Variants in CCDC171 observed in about 807,000 individuals in gnomAD.
CCDC171 encodes the protein coiled-coil domain containing 171.
In CCDC171, 177 loss-of-function variants were observed where a neutral mutation model predicts 168.2. The observed-to-expected ratio is 1.05, with a 90% CI of 0.93 to 1.19. The LOEUF is 1.19. Ranked by LOEUF, CCDC171 falls within the 50% of genes most tolerant of loss-of-function variation. CCDC171 has a pLI of 0.00. For synonymous variants in CCDC171, 687 were observed against 540.8 expected (o/e 1.27, Z -3.75); for missense variants, 1,991 against 1,539.0 (o/e 1.29, Z -4.91).
the CCDC171 span, among the ~76,000 whole-genome samples, chr9:16,068,297 G>T: frequency 1.3e-5 from 2 of 151,694 alleles, no homozygotes; most frequent in South Asian, 4.2e-4. Context: ...ACTGCTCAAG[G>T]AAATAAAAGA....
At chr9:15,598,958 A>T (rs2131602802) in intron 6 of CCDC171, among the ~76,000 whole-genome samples, 1 of 152,192 alleles carries the variant, frequency 6.6e-6, no homozygotes, top group Middle Eastern at 3.4e-3. Flanking sequence ...TTTATCAGAG[A>T]CTAGGATTGC....
At chr9:15,561,854 GAC>G (rs2039328488) in intron 1 of CCDC171, among the ~76,000 whole-genome samples, 1 of 151,910 alleles carries the variant, frequency 6.6e-6, no homozygotes. Flanking sequence ...CTTGATAAAA[GAC>G]ACACAGGCAG....
intron 25 of CCDC171, among the ~76,000 whole-genome samples, chr9:15,952,644 G>C (rs192143969): frequency 5.1e-4 from 78 of 152,222 alleles, no homozygotes; most frequent in African/African-American, 1.7e-3. Context: ...TGATCCACCT[G>C]CCTTGGCCTC....
At chr9:16,083,218 C>T in the CCDC171 span, among the ~76,000 whole-genome samples, 1 of 152,152 alleles carries the variant, frequency 6.6e-6, no homozygotes, top group African/African-American at 2.4e-5. Context: ...CATTTCCACA[C>T]TCTTAACACT....
At chr9:15,946,405 G>T (rs1204030248) in intron 25 of CCDC171, among the ~76,000 whole-genome samples, 1 of 151,922 alleles carries the variant, frequency 6.6e-6, no homozygotes, top group East Asian at 2.0e-4. Context: ...AATCATGAGT[G>T]AACTCCCATT....
chr9:16,099,196 C>A, the CCDC171 span, among the ~76,000 whole-genome samples: 2 of 152,164 alleles, frequency 1.3e-5, no homozygotes, highest in Admixed American at 1.3e-4. Flanking sequence ...TTTAATAAAG[C>A]ACCACCAGGC....
At chr9:16,066,715 G>C in the CCDC171 span, among the ~76,000 whole-genome samples, 2 of 148,154 alleles carry the variant, frequency 1.3e-5, no homozygotes, top group East Asian at 2.0e-4. Flanking sequence ...TGCGGTGTTT[G>C]GTTTTTTGTT....
intron 14 of CCDC171, among the ~76,000 whole-genome samples, chr9:15,726,205 TAAAGGAAA>T (rs2053789304): frequency 6.6e-6 from 1 of 152,122 alleles, no homozygotes; most frequent in Admixed American, 6.6e-5. Flanking sequence ...ATGATTAAAG[TAAAGGAAA>T]CTAGAAGCCT....
intron 24 of CCDC171, among the ~76,000 whole-genome samples, chr9:15,880,081 GA>G (rs1818417647): frequency 6.6e-6 from 1 of 152,108 alleles, no homozygotes; most frequent in African/African-American, 2.4e-5. Flanking sequence ...ATTTTACACA[GA>G]GTTGCTAAGT....
intron 8 of CCDC171, among the ~76,000 whole-genome samples, chr9:15,663,075 G>T (rs774752364): frequency 1.3e-5 from 2 of 152,208 alleles, no homozygotes; most frequent in African/African-American, 4.8e-5. Flanking sequence ...TAGTCTAGTT[G>T]ACATTATTAT....
intron 20 of CCDC171, among the ~76,000 whole-genome samples, chr9:15,782,491 G>A (rs1290056861): frequency 1.3e-5 from 2 of 152,160 alleles, no homozygotes; most frequent in African/African-American, 4.8e-5. Flanking sequence ...TAGGTAAAGG[G>A]GAAATTTTGG....
At chr9:15,621,323 C>T (rs961813607) in intron 6 of CCDC171, among the ~76,000 whole-genome samples, 3 of 152,156 alleles carry the variant, frequency 2.0e-5, no homozygotes, top group Non-Finnish European at 2.9e-5. Flanking sequence ...TGCTATTGCA[C>T]ACTTAATAGA....
intron 1 of CCDC171, among the ~76,000 whole-genome samples, chr9:16,047,697 A>C (rs1394597162): frequency 1.3e-5 from 2 of 152,238 alleles, no homozygotes; most frequent in Non-Finnish European, 2.9e-5. Flanking sequence ...GTGGATTTGA[A>C]TCCTGGTACC....
Position 15,740,206 on chromosome 9 carries a change from A to C in CCDC171, c.2050-4067A>C, listed in dbSNP as rs551776384. On this transcript the variant is annotated intron_variant, in intron 16 of 25. Coordinates refer to ENST00000380701, the MANE Select transcript of CCDC171 (RefSeq NM_173550.4). ...ACATATAGATTTATGGTCTATTTGGAATTTACTTATGTATAAAATGTCAGG... is the reference window on the plus strand; with the variant it reads ...ACATATAGATTTATGGTCTATTTGGCATTTACTTATGTATAAAATGTCAGG... Among the ~76,000 whole-genome samples, 68 of 152,006 alleles carry C rather than the reference A, an allele frequency of 4.5e-4. 2 individuals are homozygous for C. The South Asian group carries it at 0.014, about 31-fold the overall frequency.
intron 11 of CCDC171, among the ~76,000 whole-genome samples, chr9:15,713,105 A>G (rs1489829894): frequency 6.6e-6 from 1 of 152,158 alleles, no homozygotes; most frequent in Non-Finnish European, 1.5e-5. Flanking sequence ...TAGACACCAC[A>G]CATGAATTGG....
At chr9:16,066,068 A>T (rs1833987315), downstream of CCDC171, among the ~76,000 whole-genome samples, 1 of 152,052 alleles carries the variant, frequency 6.6e-6, no homozygotes, top group Admixed American at 6.6e-5. Context: ...CTGTCTCCCT[A>T]ATGCTGTCCA....
chr9:16,049,887 G>GT (rs909748947), intron 1 of CCDC171, among the ~76,000 whole-genome samples: 169 of 151,928 alleles, frequency 1.1e-3, no homozygotes, highest in African/African-American at 3.3e-3. Context: ...TCTTACTGTT[G>GT]TTTTTTTTGT....
At chr9:15,743,064 C>A (rs1177511810) in intron 16 of CCDC171, among the ~76,000 whole-genome samples, 3 of 151,310 alleles carry the variant, frequency 2.0e-5, no homozygotes, top group African/African-American at 7.3e-5. Context: ...TAGGTGTGAG[C>A]CCTTATGCCT....
chr9:15,928,968 C>G (rs945912578), intron 25 of CCDC171, among the ~76,000 whole-genome samples: 2 of 151,606 alleles, frequency 1.3e-5, no homozygotes, highest in African/African-American at 2.4e-5. Context: ...GCACTTTCAT[C>G]ATGGTGACTA....
Sources: gnomAD v4.1 joint callset for allele counts (sites outside exome capture counted in the v4.1 genomes callset) on GRCh38, gnomAD v4.1.1 for gene constraint, MANE v1.5 for transcripts, NCBI Gene and HGNC (gene_info 2026-07-23, HGNC 2026-07-21) for gene names.